Variants in SLC5A4 observed in about 807,000 individuals in gnomAD.
The protein encoded by SLC5A4 is solute carrier family 5 member 4, also known as probable glucose sensor protein SLC5A4.
A neutral mutation model predicts 70.3 loss-of-function variants in SLC5A4; 55 were observed. The ratio of observed to expected loss-of-function variants is 0.78; its 90% CI spans 0.63 to 0.98. The LOEUF (loss-of-function observed/expected upper bound fraction) is 0.98. Among genes scored for constraint, SLC5A4 ranks in the 50% least tolerant of loss-of-function variants. The pLI, the probability that SLC5A4 is intolerant of heterozygous loss-of-function variation, is 0.00. For synonymous variants in SLC5A4, 268 were observed against 305.7 expected (o/e 0.88, Z 1.29); for missense variants, 735 against 839.2 (o/e 0.88, Z 1.53).
chr22:32,330,642 G>A, the SLC5A4 span, among the ~76,000 whole-genome samples: 2 of 117,104 alleles, frequency 1.7e-5, no homozygotes, highest in African/African-American at 3.4e-5. Context: ...TGTGTTGGGG[G>A]CTCTGTATTG....
chr22:32,344,911 G>T, the SLC5A4 span, among the ~76,000 whole-genome samples: 2 of 152,048 alleles, frequency 1.3e-5, no homozygotes, highest in Non-Finnish European at 2.9e-5. Flanking sequence ...AAGAACAATG[G>T]ACTATCTCCT....
chr22:32,351,175 T>C, the SLC5A4 span, among the ~76,000 whole-genome samples: 6 of 152,274 alleles, frequency 3.9e-5, no homozygotes, highest in South Asian at 6.2e-4. Flanking sequence ...AATGATCTCA[T>C]ACACTGGAAC....
chr22:32,251,933 A>G, intron 2 of SLC5A4, 59 bp from the exon 3 acceptor site: 1 of 1,279,998 alleles, frequency 7.8e-7, no homozygotes, highest in South Asian at 1.2e-5. Flanking sequence ...AGACTTCTTG[A>G]AAATAGACAG....
chr22:32,292,962 GC>G, the SLC5A4 span, among the ~76,000 whole-genome samples: 1 of 152,118 alleles, frequency 6.6e-6, no homozygotes, highest in Non-Finnish European at 1.5e-5. Context: ...GTCAGTAGGT[GC>G]CTACCAATTT....
chr22:32,304,197 G>A, the SLC5A4 span, among the ~76,000 whole-genome samples: 1 of 152,120 alleles, frequency 6.6e-6, no homozygotes, highest in East Asian at 1.9e-4. Context: ...TGCAATCTCA[G>A]CCTACTGCAA....
At chr22:32,351,336 C>T in the SLC5A4 span, among the ~76,000 whole-genome samples, 17 of 152,224 alleles carry the variant, frequency 1.1e-4, no homozygotes, top group South Asian at 2.7e-3. Flanking sequence ...AGCACAGCTA[C>T]TCAAGAATCT....
At chr22:32,306,910 C>T in the SLC5A4 span, among the ~76,000 whole-genome samples, 2 of 82,316 alleles carry the variant, frequency 2.4e-5, no homozygotes, top group African/African-American at 9.4e-5. Flanking sequence ...CAAGAAGAGG[C>T]GCTCTCTCTT....
chr22:32,308,873 CTTG>C, the SLC5A4 span, among the ~76,000 whole-genome samples: 316 of 152,284 alleles, frequency 2.1e-3, no homozygotes, highest in Non-Finnish European at 3.7e-3. Context: ...CATGTATGTA[CTTG>C]TTTTCAATTG....
chr22:32,324,868 T>C, the SLC5A4 span, among the ~76,000 whole-genome samples: 4 of 152,238 alleles, frequency 2.6e-5, no homozygotes, highest in Non-Finnish European at 5.9e-5. Context: ...CCGGGAACGC[T>C]TCCACATTGC....
At chr22:32,347,905 A>C in the SLC5A4 span, among the ~76,000 whole-genome samples, 82 of 151,388 alleles carry the variant, frequency 5.4e-4, 1 homozygote, top group African/African-American at 1.9e-3. Context: ...AAAATTACCC[A>C]CAAAAAAAAA....
intron 5 of SLC5A4, among the ~76,000 whole-genome samples, chr22:32,240,220 C>T (rs1244580019): frequency 2.0e-5 from 3 of 151,948 alleles, no homozygotes; most frequent in Non-Finnish European, 4.4e-5. Flanking sequence ...GCTGTAAAAG[C>T]ATGATGTTGG....
the SLC5A4 span, among the ~76,000 whole-genome samples, chr22:32,322,127 A>G: frequency 1.3e-5 from 2 of 152,204 alleles, no homozygotes; most frequent in African/African-American, 4.8e-5. Context: ...GACCAGCTCA[A>G]CATTCTAGAC....
chr22:32,281,875 G>A, the SLC5A4 span, among the ~76,000 whole-genome samples: 1 of 151,060 alleles, frequency 6.6e-6, no homozygotes, highest in Non-Finnish European at 1.5e-5. Context: ...ATGGAGTCTC[G>A]CTCTGTAGCC....
the SLC5A4 span, among the ~76,000 whole-genome samples, chr22:32,302,142 C>T: frequency 2.0e-5 from 3 of 152,058 alleles, no homozygotes; most frequent in Non-Finnish European, 2.9e-5. Flanking sequence ...ATTGAACTTC[C>T]TCAAAATTAT....
chr22:32,238,196 C>T (rs7289531), intron 6 of SLC5A4, among the ~76,000 whole-genome samples: 67,525 of 151,240 alleles, frequency 0.45, 15,707 homozygotes, highest in African/African-American at 0.55. Context: ...AAACAGCTTA[C>T]ATGGACTCTC....
At chr22:32,334,283 G>A in the SLC5A4 span, among the ~76,000 whole-genome samples, 3 of 152,246 alleles carry the variant, frequency 2.0e-5, no homozygotes, top group East Asian at 1.9e-4. Flanking sequence ...GGCGTCCCAT[G>A]GTGGTAACAA....
chr22:32,299,300 C>T, the SLC5A4 span, among the ~76,000 whole-genome samples: 38 of 151,400 alleles, frequency 2.5e-4, no homozygotes, highest in East Asian at 2.9e-3. Flanking sequence ...ACCAATCAGA[C>T]GTAAATTTGG....
the SLC5A4 span, chr22:32,272,021 T>C: frequency 0.74 from 465,595 of 627,330 alleles, 174,838 homozygotes; most frequent in African/African-American, 0.95. Context: ...CGGCCTTATC[T>C]ATCCAGTTCA....
chr22:32,272,726 A>C, the SLC5A4 span: 2 of 504,986 alleles, frequency 4.0e-6, no homozygotes, highest in Non-Finnish European at 7.5e-6. Context: ...ACATGAACGC[A>C]TTCTATAGGA....
Sources: allele counts gnomAD v4.1 joint callset (sites outside exome capture counted in the v4.1 genomes callset), GRCh38; gene constraint gnomAD v4.1.1; transcripts MANE v1.5; gene names NCBI Gene and HGNC (gene_info 2026-07-23, HGNC 2026-07-21).